The following ELP3 variants were observed in gnomAD, a reference collection of about 807,000 sequenced individuals.
ELP3 encodes the protein elongator complex protein 3.
In ELP3, 56 loss-of-function variants were observed where a neutral mutation model predicts 74.9. The ratio of observed to expected loss-of-function variants is 0.75; its 90% CI spans 0.60 to 0.93. The LOEUF (loss-of-function observed/expected upper bound fraction) is 0.93, where lower values mean the gene tolerates loss of function less well. Among genes scored for constraint, ELP3 ranks in the 40% least tolerant of loss-of-function variants. ELP3 has a pLI of 0.00. For missense variants in ELP3, 573 were observed against 686.5 expected (o/e 0.83, Z 1.85); for synonymous variants, 222 against 239.8 (o/e 0.93, Z 0.68).
chr8:28,118,251 C>G (rs1473452498), intron 7 of ELP3, among the ~76,000 whole-genome samples: 1 of 152,130 alleles, frequency 6.6e-6, no homozygotes, highest in Admixed American at 6.5e-5. Flanking sequence ...ACGTTAGGGT[C>G]AAGTTTTACT....
At position 28,169,476 on chromosome 8, in the gene ELP3, A is replaced by T. The variant is rs150339619; in HGVS notation, c.1567+7398A>T. On this transcript the variant is annotated intron_variant, in intron 14 of 14. Coordinates refer to ENST00000256398, the MANE Select transcript of ELP3 (RefSeq NM_018091.6). The stretch of plus-strand genomic sequence containing the variant: ...TGGTGTGTCTGAAGTTTCAGTTCTG[A>T]CTGGGGCTGTCCATATGAGCAGCTT... 7.7e-4 allele frequency among the ~76,000 whole-genome samples: 117 copies of T among 152,166 alleles called. 1 individual carries two copies. In the East Asian group the frequency reaches 0.017, roughly 22 times the overall value.
chr8:28,126,980 G>A (rs944911210), intron 7 of ELP3, among the ~76,000 whole-genome samples: 1 of 152,138 alleles, frequency 6.6e-6, no homozygotes, highest in East Asian at 1.9e-4. Context: ...TCTGGAAAGA[G>A]GAAATATAGT....
chr8:28,163,189 A>G (rs865821214), intron 14 of ELP3, among the ~76,000 whole-genome samples: 24 of 152,326 alleles, frequency 1.6e-4, no homozygotes, highest in African/African-American at 5.3e-4. Flanking sequence ...CTGCTGTTCC[A>G]TAGTGTATCC....
intron 7 of ELP3, among the ~76,000 whole-genome samples, chr8:28,128,089 G>T (rs1454899360): frequency 2.0e-5 from 3 of 152,152 alleles, no homozygotes; most frequent in Non-Finnish European, 2.9e-5. Flanking sequence ...AAATAAATGG[G>T]AAATTTTTTT....
At chr8:28,092,498 A>G (rs1322310238), upstream of ELP3, among the ~76,000 whole-genome samples, 1 of 152,154 alleles carries the variant, frequency 6.6e-6, no homozygotes, top group East Asian at 1.9e-4. Context: ...TGAGATGGGC[A>G]TAGTGCTAGT....
At chr8:28,174,230 C>A (rs1017113656) in intron 14 of ELP3, among the ~76,000 whole-genome samples, 1 of 151,908 alleles carries the variant, frequency 6.6e-6, no homozygotes, top group South Asian at 2.1e-4. Flanking sequence ...CTATTTATTT[C>A]TCCCTTAAGT....
intron 14 of ELP3, among the ~76,000 whole-genome samples, chr8:28,185,729 G>A (rs554310228): frequency 1.1e-4 from 16 of 152,298 alleles, no homozygotes; most frequent in South Asian, 1.0e-3. Flanking sequence ...GGCTGAGCCC[G>A]CGTGGTGATG....
chr8:28,138,402 G>A (rs1813081427), intron 10 of ELP3, among the ~76,000 whole-genome samples: 2 of 152,154 alleles, frequency 1.3e-5, no homozygotes, highest in Non-Finnish European at 2.9e-5. Context: ...GAGAAAGTAA[G>A]ATCTCATTTA....
intron 6 of ELP3, 49 bp downstream of exon 6, chr8:28,110,487 G>GCAACAATGGCTTCTTAC: frequency 7.0e-7 from 1 of 1,419,308 alleles, no homozygotes; most frequent in Non-Finnish European, 9.8e-7. Flanking sequence ...TTTATACTTA[G>GCAACAATGGCTTCTTAC]TAAGAAGCCA....
chr8:28,129,456 G>A (rs774791309), intron 7 of ELP3, 46 bp from the exon 8 acceptor site: 3 of 1,604,734 alleles, frequency 1.9e-6, no homozygotes, highest in Admixed American at 3.3e-5. Context: ...ACAGAGTAAT[G>A]TCTTAAAACC....
Position 28,113,034 on chromosome 8 carries a change from C to A in ELP3, c.478C>A (p.His160Asn). 1 of 1,613,122 alleles carries A rather than the reference C, an allele frequency of 6.2e-7. No homozygotes were observed. Among genetic ancestry groups the A allele is most frequent in the South Asian group, 1.1e-5 (1 of 90,846 alleles). Residue 160 changes from histidine to asparagine, a missense_variant, in exon 7 of 15, where the codon CAT becomes AAT. His to Asn is a moderately conservative substitution (Grantham distance 68). Transcript: ENST00000256398. ...HRIEQLKQLG[H>N]SVDKVEFIVM... Reference sequence around the variant, plus strand: ...TGTCTTTCAGTTAAAACAACTTGGTCATAGTGTGGATAAAGTGGAGTTTAT... The same window carrying A: ...TGTCTTTCAGTTAAAACAACTTGGTAATAGTGTGGATAAAGTGGAGTTTAT...
At chr8:28,167,969 T>C (rs1814374641) in intron 14 of ELP3, among the ~76,000 whole-genome samples, 1 of 152,262 alleles carries the variant, frequency 6.6e-6, no homozygotes, top group Non-Finnish European at 1.5e-5. Context: ...TGATATGGAA[T>C]ACTACTTTGC....
At chr8:28,094,196 T>A (rs1483561430) in intron 1 of ELP3, among the ~76,000 whole-genome samples, 1 of 152,236 alleles carries the variant, frequency 6.6e-6, no homozygotes, top group Non-Finnish European at 1.5e-5. Context: ...AGGATTCTTT[T>A]AGTTTCTTCT....
At chr8:28,177,168 G>C (rs1814791329) in intron 14 of ELP3, among the ~76,000 whole-genome samples, 1 of 152,122 alleles carries the variant, frequency 6.6e-6, no homozygotes, top group Non-Finnish European at 1.5e-5. Flanking sequence ...TGTATACTGT[G>C]TTAGTTGCAA....
rs775866720 is a variant in ELP3, at chr8:28,156,064, T to C, written c.1191+32T>C. The C allele has an allele frequency of 7.7e-6, 12 of 1,553,952 alleles. No individual in the cohort carries two copies. In the East Asian group the frequency reaches 2.5e-4, roughly 32 times the overall value. On this transcript the variant is annotated intron_variant, in intron 11 of 14. Transcript: ENST00000256398. ...GCAAATATGGCGGTCAGGCCACAAC[T>C]GTTGAGAAAAAGAGAAATCTGAAAC...
chr8:28,091,674 A>C (rs1386752536), upstream of ELP3, among the ~76,000 whole-genome samples: 1 of 152,140 alleles, frequency 6.6e-6, no homozygotes, highest in African/African-American at 2.4e-5. Context: ...CCTGCCTCCA[A>C]ATTTTGCAAA....
At chr8:28,105,052 T>G (rs115597464) in intron 3 of ELP3, among the ~76,000 whole-genome samples, 3,889 of 152,264 alleles carry the variant, frequency 0.026, 190 homozygotes, top group African/African-American at 0.089. Flanking sequence ...TCCTCATCAT[T>G]CTTTGAGCAG....
At chr8:28,121,899 GTC>G (rs1417352175) in intron 7 of ELP3, among the ~76,000 whole-genome samples, 1 of 152,160 alleles carries the variant, frequency 6.6e-6, no homozygotes, top group African/African-American at 2.4e-5. Context: ...AAGAGTGGGC[GTC>G]TCTGTCTTGT....
intron 4 of ELP3, among the ~76,000 whole-genome samples, chr8:28,107,208 A>C (rs555595191): frequency 6.6e-6 from 1 of 152,346 alleles, no homozygotes; most frequent in East Asian, 1.9e-4. Flanking sequence ...AGATCACGCC[A>C]CTGCACTCCA....
Sources: gnomAD v4.1 joint callset for allele counts (sites outside exome capture counted in the v4.1 genomes callset) on GRCh38, gnomAD v4.1.1 for gene constraint, MANE v1.5 for transcripts, NCBI Gene and HGNC (gene_info 2026-07-23, HGNC 2026-07-21) for gene names.